Variants in ZNF805 observed in about 807,000 individuals in gnomAD.
ZNF805 encodes the protein CTC-444N24.8.
In ZNF805, 7 loss-of-function variants were observed where a neutral mutation model predicts 13.6. That is an observed-to-expected ratio of 0.51 (90% confidence interval 0.29 to 0.97). The LOEUF is 0.97. Among genes scored for constraint, ZNF805 ranks in the 50% least tolerant of loss-of-function variants. The pLI is 0.08. For synonymous variants in ZNF805, 293 were observed against 279.8 expected (o/e 1.05, Z -0.47); for missense variants, 604 against 771.0 (o/e 0.78, Z 2.57).
At position 57,258,273 on chromosome 19, in the gene ZNF805, G is replaced by C. The variant is rs1446158448; in HGVS notation, c.*3570G>C. ...CCACCTCAGCCTCCCAAAGTGCTGG[G>C]ATTACAGGTATGTGTCACTGTGTCT... On this transcript the variant is annotated 3_prime_UTR_variant, in exon 4 of 4. Coordinates refer to ENST00000414468, the MANE Select transcript of ZNF805 (RefSeq NM_001023563.4). Among the ~76,000 whole-genome samples, 1 of 152,042 alleles carries C rather than the reference G, an allele frequency of 6.6e-6. No homozygotes were observed. The highest frequency in any genetic ancestry group is 1.5e-5 in the Non-Finnish European group (1 of 68,004).
At chr19:57,244,334 C>G (rs1470073509) in intron 2 of ZNF805, among the ~76,000 whole-genome samples, 2 of 151,256 alleles carry the variant, frequency 1.3e-5, no homozygotes, top group Admixed American at 1.3e-4. Context: ...TCCCAAGTAG[C>G]TGGGAAGCTG....
At chr19:57,242,842 G>T (rs1160268571) in intron 1 of ZNF805, among the ~76,000 whole-genome samples, 1 of 152,180 alleles carries the variant, frequency 6.6e-6, no homozygotes, top group Admixed American at 6.6e-5. Flanking sequence ...GGGTGGTGGA[G>T]GATTATTGGG....
chr19:57,242,908 A>T (rs2087588381), intron 1 of ZNF805, among the ~76,000 whole-genome samples: 1 of 152,208 alleles, frequency 6.6e-6, no homozygotes. Context: ...TGTCTCTTAT[A>T]TATAAATCAT....
intron 1 of ZNF805, 84 bp from the exon 2 acceptor site, chr19:57,243,839 G>T: frequency 6.3e-7 from 1 of 1,597,074 alleles, no homozygotes; most frequent in Non-Finnish European, 8.6e-7. Flanking sequence ...CAGTGACTTG[G>T]GCCTTGATCT....
chr19:57,251,835 A>G (rs1054244628), intron 3 of ZNF805, among the ~76,000 whole-genome samples: 11 of 152,112 alleles, frequency 7.2e-5, no homozygotes, highest in Non-Finnish European at 1.3e-4. Flanking sequence ...TTGGTAGCCA[A>G]TTTTTCTAGC....
In ZNF805 at chr19:57,256,323, G is replaced by A. The variant is rs2087687118; in HGVS notation, c.*1620G>A. On this transcript the variant is annotated 3_prime_UTR_variant, in exon 4 of 4. Coordinates refer to ENST00000414468, the MANE Select transcript of ZNF805 (RefSeq NM_001023563.4). ...TCAACTGTTACTGTTTGGTTTTGAT[G>A]TCTAGATGATAACTAACCTCCTAAC... Among the ~76,000 whole-genome samples the A allele has an allele frequency of 6.6e-6, 1 of 152,078 alleles. No individual in the cohort carries two copies.
rs554866765 is a variant in ZNF805 at position 57,261,507 on chromosome 19, T to G, written c.*6804T>G. The G allele has an allele frequency of 8.4e-5, 14 of 167,182 alleles. No individual in the cohort carries two copies. Among genetic ancestry groups the G allele is most frequent in the African/African-American group, 3.4e-4 (14 of 41,566 alleles). The allele number at this position is 167,182 out of a possible 1,614,324, so 10.4% of individuals were successfully genotyped here. ...GTCCGGCCACTGCCCCATTCCTTTT[T>G]GTTCCGTAGTAGACCCTCAATATAT... On this transcript the variant is annotated 3_prime_UTR_variant, in exon 4 of 4. Transcript: ENST00000414468.
chr19:57,259,224 A>G lies in ZNF805; in HGVS notation c.*4521A>G, dbSNP rs2087708638. Reference sequence around the variant, plus strand: ...TTGCCAAATTTGGGAATTTTTAACCATTATTTCTTGAAATATTTTTTCATC... The same window carrying G: ...TTGCCAAATTTGGGAATTTTTAACCGTTATTTCTTGAAATATTTTTTCATC... On this transcript the variant is annotated 3_prime_UTR_variant, in exon 4 of 4. Transcript: ENST00000414468. Among the ~76,000 whole-genome samples, 1 of 152,032 alleles carries G rather than the reference A, an allele frequency of 6.6e-6. No individual in the cohort carries two copies. Among genetic ancestry groups the G allele is most frequent in the Non-Finnish European group, 1.5e-5 (1 of 68,002 alleles).
Position 57,254,214 on chromosome 19 carries a change from C to T in ZNF805, c.1395C>T (p.Ser465=). 1 of 1,611,668 alleles carries T rather than the reference C, an allele frequency of 6.2e-7. No individual in the cohort carries two copies. The highest frequency in any genetic ancestry group is 1.1e-5 in the South Asian group (1 of 90,988). Reference sequence around the variant, plus strand: ...GCAAAGAGTGTGGGAAAGCCTTTAGCAATAGGGCAGACCTCATTCGCCACT... The same window carrying T: ...GCAAAGAGTGTGGGAAAGCCTTTAGTAATAGGGCAGACCTCATTCGCCACT... ...FECKECGKAF[S]NRADLIRHFS... Residue 465 remains serine, a synonymous_variant, in exon 4 of 4, where the codon AGC becomes AGT. Coordinates refer to ENST00000414468, the MANE Select transcript of ZNF805 (RefSeq NM_001023563.4).
chr19:57,244,498 A>G (rs996722028), intron 2 of ZNF805, among the ~76,000 whole-genome samples: 1 of 152,078 alleles, frequency 6.6e-6, no homozygotes, highest in South Asian at 2.1e-4. Context: ...GGTGTGAGCC[A>G]CCACGCCTGG....
Position 57,253,418 on chromosome 19 carries a change from A to G in ZNF805, c.599A>G (p.Glu200Gly). 6.4e-7 allele frequency: 1 copy of G among 1,563,300 alleles called. No individual in the cohort carries two copies. Among genetic ancestry groups the G allele is most frequent in the Non-Finnish European group, 8.7e-7 (1 of 1,153,420 alleles). Residue 200 changes from glutamate (E) to glycine (G), a missense_variant, in exon 4 of 4, where the codon GAA becomes GGA. Transcript: ENST00000414468. This position sits in a 1 kb window ranked among gnomAD's most constrained non-coding sequence, Gnocchi z 4.4. ...SGKNPVIQEE[E>G]NIFKCNECEK... ...AAAAATCCAGTTATTCAGGAAGAGG[A>G]AAATATCTTTAAATGCAATGAATGT...
At chr19:57,249,579 C>T (rs112480372) in intron 3 of ZNF805, among the ~76,000 whole-genome samples, 2,264 of 152,184 alleles carry the variant, frequency 0.015, 53 homozygotes, top group African/African-American at 0.052. Flanking sequence ...AGTGATGATA[C>T]GTTACATTTC....
chr19:57,248,221 A>C (rs561845058), intron 2 of ZNF805, among the ~76,000 whole-genome samples: 196 of 152,290 alleles, frequency 1.3e-3, no homozygotes, highest in Middle Eastern at 0.01. Context: ...AAAAAAAAAA[A>C]AAAAGACTTA....
At chr19:57,246,043 T>G (rs2087616455) in intron 2 of ZNF805, among the ~76,000 whole-genome samples, 1 of 152,210 alleles carries the variant, frequency 6.6e-6, no homozygotes, top group Non-Finnish European at 1.5e-5. Flanking sequence ...CTCCTTAGCA[T>G]TTGAGGAAAA....
chr19:57,260,474 C>G lies in ZNF805; in HGVS notation c.*5771C>G, dbSNP rs982256963. ...ACTTAAGCACGTCTCAGAAAGGTCCCTTTTGACCCCCTCACTCTCTTTTTG... is the reference window on the plus strand; with the variant it reads ...ACTTAAGCACGTCTCAGAAAGGTCCGTTTTGACCCCCTCACTCTCTTTTTG... On this transcript the variant is annotated 3_prime_UTR_variant, in exon 4 of 4. Coordinates refer to ENST00000414468, the MANE Select transcript of ZNF805 (RefSeq NM_001023563.4). 3.9e-5 allele frequency among the ~76,000 whole-genome samples: 6 copies of G among 152,166 alleles called. No individual in the cohort carries two copies. The highest frequency in any genetic ancestry group is 1.4e-4 in the African/African-American group (6 of 41,436).
rs751605350 is a variant in ZNF805, at chr19:57,254,735, AC to A, written c.*34del. On this transcript the variant is annotated 3_prime_UTR_variant, in exon 4 of 4. Transcript: ENST00000414468. ...CTTCTGTTGCCAAATGTCATTTGTC[AC>A]CTAAGGAGTCATATTAGAAAATCAC... The A allele has an allele frequency of 5.1e-6, 8 of 1,564,542 alleles. No homozygotes were observed. The highest frequency in any genetic ancestry group is 6.9e-6 in the Non-Finnish European group (8 of 1,156,304).
chr19:57,243,121 CAGA>C (rs1167321926), intron 1 of ZNF805, among the ~76,000 whole-genome samples: 1 of 152,174 alleles, frequency 6.6e-6, no homozygotes, highest in African/African-American at 2.4e-5. Flanking sequence ...GCGGCTAAGG[CAGA>C]AGGATTGCTT....
At chr19:57,241,025 T>G (rs1439540140) in intron 1 of ZNF805, 104 bp downstream of exon 1, 5 of 1,273,556 alleles carry the variant, frequency 3.9e-6, no homozygotes, top group Non-Finnish European at 4.3e-6. Context: ...TTTGTAGTTT[T>G]GTTTGTTTAC....
chr19:57,253,103 C>A lies in ZNF805; in HGVS notation c.284C>A (p.Pro95His). The change falls in exon 4 of 4, where the codon CCT becomes CAT. Residue 95 changes from proline (P) to histidine (H), a missense_variant. By Grantham distance (77) the Pro-to-His change is moderately conservative. Around this residue, in one of 3 missense-constraint regions of ZNF805, gnomAD observed 327 missense variants for 378.2 expected, o/e 0.86. Transcript: ENST00000414468. The surrounding 1 kb of genome is among the most constrained non-coding windows in gnomAD (Gnocchi z 4.4). ...AAAGGAAAACCCAAGAGCACAGAAC[C>A]TACCACCTGTGAGCTAGCCTTGTCT... The part of the protein sequence containing the change: ...GDKGKPKSTE[P>H]TTCELALSEG... 6.7e-7 allele frequency: 1 copy of A among 1,489,294 alleles called. No individual in the cohort carries two copies. Among genetic ancestry groups the A allele is most frequent in the Non-Finnish European group, 8.9e-7 (1 of 1,122,178 alleles). The allele number at this position is 1,489,294 out of a possible 1,614,324, so 92.3% of individuals were successfully genotyped here. A position where few individuals can be genotyped will look rare whatever the true frequency, so the allele number is the denominator to read the frequency against.
Sources: allele counts gnomAD v4.1 joint callset (sites outside exome capture counted in the v4.1 genomes callset), GRCh38; gene constraint gnomAD v4.1.1; regional missense constraint gnomAD v4.1.1; non-coding constraint Gnocchi (gnomAD v3.1); transcripts MANE v1.5; gene names NCBI Gene and HGNC (gene_info 2026-07-23, HGNC 2026-07-21).